FAM83H: variants seen among roughly 807,000 people sequenced by gnomAD.
FAM83H encodes protein FAM83H.
Under a neutral mutation model 30.2 loss-of-function variants are expected in FAM83H, and 24 were observed. That is an observed-to-expected ratio of 0.79 (90% confidence interval 0.57 to 1.12). The LOEUF (loss-of-function observed/expected upper bound fraction) is 1.12, where lower values mean the gene tolerates loss of function less well. Ranked by LOEUF, FAM83H falls within the 50% of genes most tolerant of loss-of-function variation. FAM83H has a pLI of 0.00. For missense variants in FAM83H, 2,038 were observed against 1,773.9 expected, an observed-to-expected ratio of 1.15 and a Z score of -2.67; for synonymous variants, 1,013 against 821.7, an observed-to-expected ratio of 1.23 and a Z score of -3.98.
intron 2 of FAM83H, 79 bp downstream of exon 2, chr8:143,730,057 C>G: frequency 7.7e-7 from 1 of 1,292,140 alleles, no homozygotes; most frequent in Middle Eastern, 2.5e-4. Context: ...TCAAGCTGAT[C>G]ATGCTCATGC....
At position 143,728,548 on chromosome 8, in the gene FAM83H, C is replaced by T. The variant is rs964218405; in HGVS notation, c.913G>A (p.Ala305Thr). 8 of 1,576,300 alleles carry T rather than the reference C, an allele frequency of 5.1e-6. No individual in the cohort carries two copies. The highest frequency in any genetic ancestry group is 5.2e-6 in the Non-Finnish European group (6 of 1,161,904). Residue 305 changes from alanine to threonine, a missense_variant, in exon 5 of 5, where the codon GCC (alanine) becomes ACC (threonine). Physicochemically the swap from Ala to Thr is moderately conservative, Grantham distance 58 (BLOSUM62 0). Transcript: ENST00000388913. The stretch of plus-strand genomic sequence containing the variant: ...CCAGGGACGCCCACGAGAGGCCCGG[C>T]CCCGGCATACGGAGCCAGGGCATAG... Reference protein sequence around the residue: ...DAYALAPYAGAGPLVGVPGVG... With the variant: ...DAYALAPYAGTGPLVGVPGVG...
chr8:143,732,548 C>T (rs1420111977), intron 1 of FAM83H: 1 of 985,272 alleles, frequency 1.0e-6, no homozygotes, highest in East Asian at 1.1e-4. Flanking sequence ...ATTTCAGTGT[C>T]CAGGCTCCAG....
rs1184155884 is a variant in FAM83H, at chr8:143,727,669, C to T, written c.1792G>A (p.Asp598Asn). The T allele has an allele frequency of 1.3e-6, 2 of 1,570,152 alleles. No homozygotes were observed. The highest frequency in any genetic ancestry group is 1.7e-6 in the Non-Finnish European group (2 of 1,165,810). Residue 598 changes from aspartate to asparagine, a missense_variant, in exon 5 of 5, where the codon GAC (aspartate) becomes AAC (asparagine). Physicochemically the swap from Asp to Asn is conservative, Grantham distance 23 (BLOSUM62 1). Coordinates refer to ENST00000388913, the MANE Select transcript of FAM83H (RefSeq NM_198488.5). ...SGCHGEDGGD[D>N]GLPAPMEAEA... is the part of the protein sequence containing the mutation. ...GCTTCCATGGGCGCCGGTAGGCCGT[C>T]GTCGCCCCCATCCTCGCCGTGGCAG...
rs1432240496 is a variant in FAM83H, at chr8:143,727,107, C to G, written c.2354G>C (p.Ser785Thr). The G allele has an allele frequency of 1.2e-5, 19 of 1,536,274 alleles. No homozygotes were observed. In the African/African-American group the frequency reaches 2.2e-4, roughly 18 times the overall value. Residue 785 changes from serine (S) to threonine (T), a missense_variant, in exon 5 of 5, where the codon AGC (serine) becomes ACC (threonine). Coordinates refer to ENST00000388913, the MANE Select transcript of FAM83H (RefSeq NM_198488.5). The stretch of plus-strand genomic sequence containing the variant: ...CAGGTCCAGCAGGCAGCTCTCGAGG[C>G]TGCGGCGCTCGCCCCCCACGGCACC... ...APGAVGGERRSLESCLLDLRD... is the reference protein window; with the variant it reads ...APGAVGGERRTLESCLLDLRD...
chr8:143,725,597 G>A lies in FAM83H; in HGVS notation c.*324C>T, dbSNP rs1159665625. On this transcript the variant is annotated 3_prime_UTR_variant, in exon 5 of 5. Transcript: ENST00000388913. ...AGGTCTCAAAAAAATAAAGGGGGCG[G>A]GGGGGACTGAGGCACAAAGAGATGG... 4.0e-6 allele frequency: 2 copies of A among 493,830 alleles called. No individual in the cohort carries two copies. The highest frequency in any genetic ancestry group is 7.3e-6 in the Non-Finnish European group (2 of 273,302). 30.6% of individuals were successfully genotyped at this position (493,830 alleles called of 1,614,324 possible). A position where few individuals can be genotyped will look rare whatever the true frequency, so the allele number is the denominator to read the frequency against.
At position 143,726,293 on chromosome 8, in the gene FAM83H, C is replaced by G. The variant is rs782687358; in HGVS notation, c.3168G>C (p.Ala1056=). 2.5e-6 allele frequency: 4 copies of G among 1,612,048 alleles called. No individual in the cohort carries two copies. The highest frequency in any genetic ancestry group is 2.2e-5 in the East Asian group (1 of 44,858). Residue 1056 remains alanine (A), a synonymous_variant, in exon 5 of 5, where the codon GCG becomes GCC. Transcript: ENST00000388913. ...QISAHGQKHR[A]VPAPSPGPTH... is the part of the protein sequence containing the mutation. Reference sequence around the variant, plus strand: ...TCGGGCCGGGGCTCGGGGCAGGGACCGCACGGTGCTTCTGGCCGTGGGCAC... The same window carrying G: ...TCGGGCCGGGGCTCGGGGCAGGGACGGCACGGTGCTTCTGGCCGTGGGCAC...
Position 143,730,275 on chromosome 8 carries a change from G to A in FAM83H, c.308C>T (p.Ala103Val), listed in dbSNP as rs782285631. 1.9e-6 allele frequency: 3 copies of A among 1,613,420 alleles called. No homozygotes were observed. Among genetic ancestry groups the A allele is most frequent in the Admixed American group, 1.7e-5 (1 of 60,008 alleles). ...GTYWPVNSDQ[A>V]VPELDLGWPL... ...CCAGCCCAAATCAAGCTCAGGCACG[G>A]CCTGGTCTGAGTTCACTGGCCAGTA... Residue 103 changes from alanine to valine, a missense_variant, in exon 2 of 5, where the codon GCC becomes GTC. Coordinates refer to ENST00000388913, the MANE Select transcript of FAM83H (RefSeq NM_198488.5).
rs781905219 is a variant in FAM83H, at chr8:143,728,584, G to C, written c.877C>G (p.Arg293Gly). ...GGAGCCAGGGCATAGGCGTCCATGC[G>C]GGCCAGGGCCGCGGCCGAGGGCACA... ...PLVPSAAALA[R>G]MDAYALAPYA... is the part of the protein sequence containing the mutation. Residue 293 changes from arginine to glycine, a missense_variant, in exon 5 of 5, where the codon CGC becomes GGC. Coordinates refer to ENST00000388913, the MANE Select transcript of FAM83H (RefSeq NM_198488.5). The C allele has an allele frequency of 1.2e-5, 19 of 1,603,148 alleles. No individual in the cohort carries two copies. The highest frequency in any genetic ancestry group is 8.5e-7 in the Non-Finnish European group (1 of 1,175,950).
Position 143,725,282 on chromosome 8 carries a change from G to C in FAM83H, c.*639C>G, listed in dbSNP as rs188170434. ...CCAGAGAATGAGGAATTGAGGCACA[G>C]AGGCGAGACCCTTGCAAGAGGATAG... On this transcript the variant is annotated 3_prime_UTR_variant, in exon 5 of 5. Transcript: ENST00000388913. 2 of 152,678 alleles carry C rather than the reference G, an allele frequency of 1.3e-5. No homozygotes were observed. The highest frequency in any genetic ancestry group is 2.9e-5 in the Non-Finnish European group (2 of 68,588). The allele number at this position is 152,678 out of a possible 1,614,324, so 9.5% of individuals were successfully genotyped here. A position where few individuals can be genotyped will look rare whatever the true frequency, so the allele number is the denominator to read the frequency against.
In FAM83H at chr8:143,725,810, G is replaced by C. The variant is rs567741107; in HGVS notation, c.*111C>G. ...CTCAGCCAAGCCCCAAGCGGCCGTG[G>C]CCTGACAGCCGCTGCTCAAGCAGAT... On this transcript the variant is annotated 3_prime_UTR_variant, in exon 5 of 5. Coordinates refer to ENST00000388913, the MANE Select transcript of FAM83H (RefSeq NM_198488.5). The C allele has an allele frequency of 2.0e-6, 3 of 1,534,916 alleles. No homozygotes were observed. The highest frequency in any genetic ancestry group is 2.6e-6 in the Non-Finnish European group (3 of 1,136,884).
rs781968657 is a variant in FAM83H, at chr8:143,728,546, G to A, written c.915C>T (p.Ala305=). ...DAYALAPYAG[A]GPLVGVPGVG... ...CCCCAGGGACGCCCACGAGAGGCCC[G>A]GCCCCGGCATACGGAGCCAGGGCAT... The change falls in exon 5 of 5, where the codon GCC becomes GCT. Residue 305 remains alanine (A), a synonymous_variant. Transcript: ENST00000388913. 6.4e-6 allele frequency: 10 copies of A among 1,574,622 alleles called. No individual in the cohort carries two copies. The East Asian group carries it at 2.1e-4, about 33-fold the overall frequency.
At chr8:143,732,252 A>T in intron 1 of FAM83H, 1 of 985,418 alleles carries the variant, frequency 1.0e-6, no homozygotes, top group Non-Finnish European at 1.2e-6. Context: ...GCTTGGGAGA[A>T]GCTGTCCCAA....
intron 1 of FAM83H, chr8:143,732,805 C>T (rs1173148748): frequency 2.1e-6 from 2 of 930,548 alleles, no homozygotes; most frequent in Non-Finnish European, 2.6e-6. Context: ...AACGTCTGCC[C>T]AAGGGAGGGA....
At chr8:143,731,367 C>T in intron 1 of FAM83H, 1 of 985,324 alleles carries the variant, frequency 1.0e-6, no homozygotes, top group Non-Finnish European at 1.2e-6. Context: ...GTCCACATGA[C>T]ACCACGCCTA....
Position 143,728,235 on chromosome 8 carries a change from C to A in FAM83H, c.1226G>T (p.Arg409Leu). The A allele has an allele frequency of 2.5e-6, 4 of 1,582,910 alleles. No individual in the cohort carries two copies. Among genetic ancestry groups the A allele is most frequent in the Non-Finnish European group, 3.4e-6 (4 of 1,170,602 alleles). The change falls in exon 5 of 5, where the codon CGG becomes CTG. Residue 409 changes from arginine (R) to leucine (L), a missense_variant. Transcript: ENST00000388913. ...CGCGCCCTCGGTCGCGAAGCTGTGCCGCTTGAAGGCGTCCATCTCCAGGTG... is the reference window on the plus strand; with the variant it reads ...CGCGCCCTCGGTCGCGAAGCTGTGCAGCTTGAAGGCGTCCATCTCCAGGTG... ...ARHLEMDAFKRHSFATEGAGA... is the reference protein window; with the variant it reads ...ARHLEMDAFKLHSFATEGAGA...
rs1452498299 is a variant in FAM83H, at chr8:143,725,108, G to C, written c.*813C>G. On this transcript the variant is annotated 3_prime_UTR_variant, in exon 5 of 5. Coordinates refer to ENST00000388913, the MANE Select transcript of FAM83H (RefSeq NM_198488.5). Reference sequence around the variant, plus strand: ...AGATGCTGGGAGGCAGCGAGCAGGAGAATCCAAGTAGGAAAGGAAGTGAAG... The same window carrying C: ...AGATGCTGGGAGGCAGCGAGCAGGACAATCCAAGTAGGAAAGGAAGTGAAG... 1 of 119,650 alleles carries C rather than the reference G, an allele frequency of 8.4e-6. No individual in the cohort carries two copies. The highest frequency in any genetic ancestry group is 1.6e-5 in the Non-Finnish European group (1 of 61,456). 7.4% of individuals were successfully genotyped at this position (119,650 alleles called of 1,614,324 possible).
intron 2 of FAM83H, 88 bp downstream of exon 2, chr8:143,730,048 C>T: frequency 2.4e-6 from 3 of 1,240,356 alleles, no homozygotes; most frequent in Non-Finnish European, 2.2e-6. Context: ...GCTCACCCCT[C>T]AAGCTGATCA....
At chr8:143,732,352 C>T (rs990691248) in intron 1 of FAM83H, 11 of 985,418 alleles carry the variant, frequency 1.1e-5, no homozygotes, top group Middle Eastern at 5.2e-4. Flanking sequence ...AGATCGAGGC[C>T]AACCACATGG....
At chr8:143,728,852 G>GCAGGGGTCTACAGGAC in intron 4 of FAM83H, 115 bp downstream of exon 4, 1 of 1,598,292 alleles carries the variant, frequency 6.3e-7, no homozygotes, top group Non-Finnish European at 8.5e-7. Context: ...GCTAGGCTGT[G>GCAGGGGTCTACAGGAC]CAGGGGTCTA....
Sources: allele counts gnomAD v4.1 joint callset, GRCh38; gene constraint gnomAD v4.1.1; transcripts MANE v1.5; gene names NCBI Gene and HGNC (gene_info 2026-07-23, HGNC 2026-07-21).